Variants in KCNN1 observed in about 807,000 individuals in gnomAD.
The protein encoded by KCNN1 is potassium calcium-activated channel subfamily N member 1, also known as small conductance calcium-activated potassium channel protein 1.
Under a neutral mutation model 44.7 loss-of-function variants are expected in KCNN1, and 20 were observed. That is an observed-to-expected ratio of 0.45 (90% CI 0.32 to 0.65). The LOEUF (loss-of-function observed/expected upper bound fraction) is 0.65, where lower values mean the gene tolerates loss of function less well. KCNN1 is among the 30% of genes least tolerant of loss of function. The probability of loss-of-function intolerance (pLI) is 0.05; values close to 1 mark genes in which losing one functional copy is unlikely to be tolerated. For synonymous variants in KCNN1, 324 were observed against 341.7 expected (o/e 0.95, Z 0.57); for missense variants, 632 against 785.3 (o/e 0.80, Z 2.33).
intron 2 of KCNN1, among the ~76,000 whole-genome samples, chr19:17,959,739 G>A (rs2031634440): frequency 6.6e-6 from 1 of 152,124 alleles, no homozygotes; most frequent in Admixed American, 6.6e-5. Flanking sequence ...CTAGGTGGGG[G>A]GCTCTGGGGG....
At chr19:17,975,048 A>G in intron 2 of KCNN1, 44 bp from the exon 3 acceptor site, 1 of 1,535,088 alleles carries the variant, frequency 6.5e-7, no homozygotes, top group Non-Finnish European at 9.0e-7. Context: ...CCGCCGGCCC[A>G]CCGCCTCCAG....
chr19:17,953,517 C>T (rs2031469672), intron 1 of KCNN1, among the ~76,000 whole-genome samples: 1 of 152,186 alleles, frequency 6.6e-6, no homozygotes, highest in African/African-American at 2.4e-5. Flanking sequence ...CCTTTTCTGC[C>T]CTCTTCTCCA....
chr19:17,994,130 A>G (rs1157398657), intron 9 of KCNN1, among the ~76,000 whole-genome samples: 1 of 152,052 alleles, frequency 6.6e-6, no homozygotes, highest in Non-Finnish European at 1.5e-5. Flanking sequence ...ATCTGTCAGG[A>G]AATTTAAATT....
In KCNN1 at chr19:17,975,109, C is replaced by G. The variant is rs376230668; in HGVS notation, c.420C>G (p.Phe140Leu). The G allele has an allele frequency of 1.2e-6, 2 of 1,613,616 alleles. No individual in the cohort carries two copies. The highest frequency in any genetic ancestry group is 1.7e-6 in the Non-Finnish European group (2 of 1,179,614). ...GVYTKESLYS[F>L]ALKCLISLST... Reference sequence around the variant, plus strand: ...TTTACCAGGAGTCTCTGTACTCATTCGCACTCAAATGCCTCATCAGCCTCT... The same window carrying G: ...TTTACCAGGAGTCTCTGTACTCATTGGCACTCAAATGCCTCATCAGCCTCT... Residue 140 changes from phenylalanine to leucine, a missense_variant, in exon 3 of 10, where the codon TTC becomes TTG. By Grantham distance (22) the Phe-to-Leu change is conservative. Around this residue, in one of 3 missense-constraint regions of KCNN1, gnomAD observed 235 missense variants for 224.0 expected, o/e 1.05. Coordinates refer to ENST00000684775, the MANE Select transcript of KCNN1 (RefSeq NM_001386974.1).
At chr19:17,976,500 C>T (rs962620633) in intron 3 of KCNN1, among the ~76,000 whole-genome samples, 1 of 151,214 alleles carries the variant, frequency 6.6e-6, no homozygotes, top group Non-Finnish European at 1.5e-5. Context: ...CTCACCGCAA[C>T]CTACGCCTCC....
At chr19:17,958,946 C>G (rs575516709) in intron 2 of KCNN1, among the ~76,000 whole-genome samples, 1 of 150,562 alleles carries the variant, frequency 6.6e-6, no homozygotes, top group Non-Finnish European at 1.5e-5. Context: ...GTGATCCACC[C>G]GCCTCGGCCT....
intron 4 of KCNN1, chr19:17,982,447 A>G (rs1033792362): frequency 1.6e-6 from 1 of 637,380 alleles, no homozygotes; most frequent in Admixed American, 6.3e-5. Context: ...CTGACTCCCG[A>G]TCTCTGGCCC....
chr19:17,982,574 CAT>C, intron 4 of KCNN1: 2 of 985,396 alleles, frequency 2.0e-6, no homozygotes, highest in African/African-American at 1.7e-5. Context: ...TTAGGGAAAA[CAT>C]GTGAGTCCCA....
Position 17,989,824 on chromosome 19 carries a change from T to A in KCNN1, c.1279T>A (p.Phe427Ile). 6.2e-7 allele frequency: 1 copy of A among 1,613,754 alleles called. No homozygotes were observed. Among genetic ancestry groups the A allele is most frequent in the Non-Finnish European group, 8.5e-7 (1 of 1,179,834 alleles). Residue 427 changes from phenylalanine (F) to isoleucine (I), a missense_variant, in exon 7 of 10, where the codon TTC becomes ATC. This residue lies in a region of KCNN1 where 237 missense variants were observed against 253.0 expected (regional missense o/e 0.94). Coordinates refer to ENST00000684775, the MANE Select transcript of KCNN1 (RefSeq NM_001386974.1). ...QARVRKHQRKFLQAIHQAQKL... is the reference protein window; with the variant it reads ...QARVRKHQRKILQAIHQAQKL... Reference sequence around the variant, plus strand: ...CCGGGTTCGGAAACACCAGCGTAAGTTCCTCCAAGCCATCCATCAGTAAGT... The same window carrying A: ...CCGGGTTCGGAAACACCAGCGTAAGATCCTCCAAGCCATCCATCAGTAAGT...
upstream of KCNN1, among the ~76,000 whole-genome samples, chr19:17,966,889 G>A (rs1172600122): frequency 6.6e-6 from 1 of 151,712 alleles, no homozygotes; most frequent in Admixed American, 6.6e-5. Flanking sequence ...TGTTGGGGGC[G>A]GGGGTTGGAG....
At chr19:17,954,993 G>A (rs926478518) in intron 2 of KCNN1, among the ~76,000 whole-genome samples, 1 of 149,528 alleles carries the variant, frequency 6.7e-6, no homozygotes. Flanking sequence ...AGCCAAGATC[G>A]CGCCACTGCA....
rs144389064 is a variant in KCNN1 at position 17,989,279 on chromosome 19, G to A, written c.1171-437G>A. Among the ~76,000 whole-genome samples, 1,330 of 152,226 alleles carry A rather than the reference G, an allele frequency of 8.7e-3. 7 individuals are homozygous for A. Among genetic ancestry groups the A allele is most frequent in the Non-Finnish European group, 0.015 (1,024 of 68,004 alleles). On this transcript the variant is annotated intron_variant, in intron 6 of 9. Coordinates refer to ENST00000684775, the MANE Select transcript of KCNN1 (RefSeq NM_001386974.1). ...TCAAAACCAGCCTGGCCAACGTGAT[G>A]AAACCCCATCTCTAGTAAAAATACA...
intron 5 of KCNN1, among the ~76,000 whole-genome samples, chr19:17,987,739 G>A (rs142524726): frequency 2.3e-4 from 35 of 149,470 alleles, no homozygotes; most frequent in African/African-American, 8.4e-4. Context: ...GCTCATGCCT[G>A]TAATCCCAGC....
chr19:17,997,360 C>G (rs2033034940), intron 9 of KCNN1, among the ~76,000 whole-genome samples: 1 of 152,186 alleles, frequency 6.6e-6, no homozygotes. Context: ...AAACATCCCC[C>G]AGGTCTGTGG....
chr19:17,984,327 C>T (rs2032522609), intron 4 of KCNN1, among the ~76,000 whole-genome samples: 1 of 152,156 alleles, frequency 6.6e-6, no homozygotes, highest in Admixed American at 6.5e-5. Context: ...AGCCTGACCC[C>T]AGCCCTATCC....
intron 2 of KCNN1, among the ~76,000 whole-genome samples, chr19:17,961,645 A>C (rs2031684118): frequency 6.8e-6 from 1 of 147,866 alleles, no homozygotes; most frequent in African/African-American, 2.5e-5. Context: ...GCAATGGCAC[A>C]ATCTTGGCTC....
intron 5 of KCNN1, among the ~76,000 whole-genome samples, chr19:17,988,175 A>G (rs1199103791): frequency 6.6e-6 from 1 of 150,378 alleles, no homozygotes; most frequent in Non-Finnish European, 1.5e-5. Context: ...AAAAAAAAAA[A>G]AAGAATCGTC....
chr19:17,975,211 G>A, intron 3 of KCNN1, 24 bp downstream of exon 3: 2 of 1,564,728 alleles, frequency 1.3e-6, no homozygotes, highest in Non-Finnish European at 1.8e-6. Context: ...ACTGCAGGAA[G>A]CAGCTCCTCT....
chr19:17,974,246 G>A lies in KCNN1; in HGVS notation c.358G>A (p.Val120Ile), dbSNP rs749207776. 4.6e-5 allele frequency: 74 copies of A among 1,606,348 alleles called. No homozygotes were observed. The highest frequency in any genetic ancestry group is 6.0e-5 in the Non-Finnish European group (71 of 1,175,300). Residue 120 changes from valine to isoleucine, a missense_variant, in exon 2 of 10, where the codon GTC (valine) becomes ATC (isoleucine). This residue lies in a region of KCNN1 where 235 missense variants were observed against 224.0 expected (regional missense o/e 1.05). Transcript: ENST00000684775. The surrounding 1 kb of genome is among the most constrained non-coding windows in gnomAD (Gnocchi z 7.3). Reference sequence around the variant, plus strand: ...CATTTTCGGCATGTTTGGCATCGTCGTCATGGTGACGGAGACCGAGCTGTC... The same window carrying A: ...CATTTTCGGCATGTTTGGCATCGTCATCATGGTGACGGAGACCGAGCTGTC... Reference protein sequence around the residue: ...ALIFGMFGIVVMVTETELSWG... With the variant: ...ALIFGMFGIVIMVTETELSWG...
Sources: gnomAD v4.1 joint callset for allele counts (sites outside exome capture counted in the v4.1 genomes callset) on GRCh38, gnomAD v4.1.1 for gene constraint, gnomAD v4.1.1 regional missense constraint, Gnocchi (gnomAD v3.1) non-coding constraint, MANE v1.5 for transcripts, NCBI Gene and HGNC (gene_info 2026-07-23, HGNC 2026-07-21) for gene names.